Variants in SMCHD1 observed in about 807,000 individuals in gnomAD.
SMCHD1 encodes structural maintenance of chromosomes flexible hinge domain containing 1.
SMCHD1 carries 78 observed loss-of-function variants against 254.7 expected under a neutral mutation model. The ratio of observed to expected loss-of-function variants is 0.31; its 90% CI spans 0.26 to 0.37. The LOEUF (loss-of-function observed/expected upper bound fraction) is 0.37, where lower values mean the gene tolerates loss of function less well. SMCHD1 is among the 10% of genes least tolerant of loss of function. The probability of loss-of-function intolerance (pLI) is 1.00; values close to 1 mark genes in which losing one functional copy is unlikely to be tolerated. For synonymous variants in SMCHD1, 766 were observed against 794.9 expected (o/e 0.96, Z 0.61); for missense variants, 1,840 against 2,408.1 (o/e 0.76, Z 4.94).
chr18:2,663,553 T>C (rs1231278010), intron 1 of SMCHD1, among the ~76,000 whole-genome samples: 1 of 152,240 alleles, frequency 6.6e-6, no homozygotes, highest in Admixed American at 6.5e-5. Context: ...GTGGATTTTA[T>C]CTGTTTCCAT....
Position 2,803,325 on chromosome 18 carries a change from T to G in SMCHD1, c.*773T>G, listed in dbSNP as rs1197000895. The G allele has an allele frequency of 6.6e-6, 1 of 151,208 alleles. No individual in the cohort carries two copies. Among genetic ancestry groups the G allele is most frequent in the East Asian group, 1.9e-4 (1 of 5,188 alleles). The allele number at this position is 151,208 out of a possible 1,614,324, so 9.4% of individuals were successfully genotyped here. The stretch of plus-strand genomic sequence containing the variant: ...TCTCAGCCTTAATTTTACATTTACA[T>G]TATTTTGTAATTTTTTATTACTATT... On this transcript the variant is annotated 3_prime_UTR_variant, in exon 48 of 48. Coordinates refer to ENST00000320876, the MANE Select transcript of SMCHD1 (RefSeq NM_015295.3).
chr18:2,715,810 C>T (rs1214583426), intron 17 of SMCHD1, among the ~76,000 whole-genome samples: 1 of 151,976 alleles, frequency 6.6e-6, no homozygotes, highest in African/African-American at 2.4e-5. Flanking sequence ...ATGATTGTGC[C>T]GCTGAAATTC....
intron 3 of SMCHD1, among the ~76,000 whole-genome samples, chr18:2,671,347 C>T (rs1274067577): frequency 6.6e-6 from 1 of 152,096 alleles, no homozygotes; most frequent in Non-Finnish European, 1.5e-5. Context: ...GATCAGTTTT[C>T]ATCATGCCAT....
intron 47 of SMCHD1, among the ~76,000 whole-genome samples, chr18:2,797,477 C>G: frequency 6.6e-6 from 1 of 152,150 alleles, no homozygotes; most frequent in East Asian, 1.9e-4. Flanking sequence ...GTATTCTTTG[C>G]CATATTCATC....
At chr18:2,702,418 T>C (rs1227655051) in intron 12 of SMCHD1, 1 of 152,236 alleles carries the variant, frequency 6.6e-6, no homozygotes, top group Non-Finnish European at 1.5e-5. Flanking sequence ...TGAATTGTAC[T>C]TTGACTGTTA....
intron 21 of SMCHD1, 53 bp from the exon 22 acceptor site, chr18:2,726,399 A>G: frequency 1.1e-6 from 1 of 924,390 alleles, no homozygotes; most frequent in Non-Finnish European, 1.6e-6. Flanking sequence ...GTGATAAACT[A>G]CTTAAGTATG....
At chr18:2,700,075 CTT>C (rs545027749) in intron 10 of SMCHD1, among the ~76,000 whole-genome samples, 136 of 152,294 alleles carry the variant, frequency 8.9e-4, no homozygotes, top group Non-Finnish European at 1.7e-3. Flanking sequence ...AAAAAGTAAA[CTT>C]AATTTTAGCA....
chr18:2,802,243 C>A (rs997425448), intron 47 of SMCHD1, among the ~76,000 whole-genome samples: 1 of 151,992 alleles, frequency 6.6e-6, no homozygotes, highest in Non-Finnish European at 1.5e-5. Flanking sequence ...GAAAAATCTG[C>A]AGAATTTAGG....
chr18:2,676,858 A>C (rs981077192), intron 5 of SMCHD1, among the ~76,000 whole-genome samples: 1 of 152,240 alleles, frequency 6.6e-6, no homozygotes, highest in Non-Finnish European at 1.5e-5. Flanking sequence ...ATACTGTAGC[A>C]TGTGTATTCT....
At position 2,772,324 on chromosome 18, in the gene SMCHD1, G is replaced by T. The variant is rs371834462; in HGVS notation, c.5127G>T (p.Ser1709=). The T allele has an allele frequency of 5.0e-6, 8 of 1,606,642 alleles. No homozygotes were observed. Among genetic ancestry groups the T allele is most frequent in the Non-Finnish European group, 6.8e-6 (8 of 1,177,094 alleles). Residue 1709 remains serine, a synonymous_variant, in exon 41 of 48, where the codon TCG becomes TCT. Coordinates refer to ENST00000320876, the MANE Select transcript of SMCHD1 (RefSeq NM_015295.3). The part of the protein sequence containing the change: ...QEELKKKPRR[S]CTLPNYTKGS... ...AACTGAAGAAAAAACCTAGAAGATC[G>T]TGTACTCTTCCAAACTATACTAAAG...
intron 34 of SMCHD1, among the ~76,000 whole-genome samples, chr18:2,754,880 A>C (rs1386998567): frequency 6.6e-6 from 1 of 151,858 alleles, no homozygotes; most frequent in African/African-American, 2.4e-5. Flanking sequence ...TCACACCTAT[A>C]ATCCCAGCAC....
intron 35 of SMCHD1, among the ~76,000 whole-genome samples, chr18:2,761,333 C>T (rs953824653): frequency 3.9e-5 from 6 of 152,044 alleles, no homozygotes; most frequent in South Asian, 2.1e-4. Context: ...ACTTGGGTGA[C>T]GGGATCATTA....
intron 34 of SMCHD1, among the ~76,000 whole-genome samples, chr18:2,755,672 A>G (rs1159775154): frequency 7.0e-6 from 1 of 142,482 alleles, no homozygotes; most frequent in Non-Finnish European, 1.5e-5. Context: ...GGTTCATGCC[A>G]TTCTCCTGCC....
intron 3 of SMCHD1, among the ~76,000 whole-genome samples, chr18:2,671,025 C>G (rs1750176998): frequency 1.3e-5 from 2 of 150,864 alleles, no homozygotes; most frequent in African/African-American, 4.9e-5. Context: ...CAACCTCCGC[C>G]TCCTGGGTTC....
At chr18:2,777,990 T>G in intron 43 of SMCHD1, 75 bp downstream of exon 43, 1 of 1,084,454 alleles carries the variant, frequency 9.2e-7, no homozygotes, top group South Asian at 1.6e-5. Context: ...TTACTGATAA[T>G]GAAAATTTAT....
At chr18:2,702,662 A>G (rs1278501227) in intron 12 of SMCHD1, among the ~76,000 whole-genome samples, 1 of 152,230 alleles carries the variant, frequency 6.6e-6, no homozygotes, top group South Asian at 2.1e-4. Context: ...ACTGTATACC[A>G]TATTGGACCT....
chr18:2,677,721 G>C (rs1394648643), intron 5 of SMCHD1, among the ~76,000 whole-genome samples: 1 of 152,052 alleles, frequency 6.6e-6, no homozygotes. Context: ...CTGCCTCTTG[G>C]GCTCAAGTGA....
intron 16 of SMCHD1, 61 bp downstream of exon 16, chr18:2,707,706 A>G (rs1326749625): frequency 2.7e-6 from 4 of 1,475,990 alleles, no homozygotes; most frequent in Non-Finnish European, 3.7e-6. Context: ...TACATTTCCA[A>G]TATGTAAAAG....
chr18:2,663,500 C>T lies in SMCHD1; in HGVS notation c.187-2657C>T, dbSNP rs1334369272. Among the ~76,000 whole-genome samples, 5 of 152,276 alleles carry T rather than the reference C, an allele frequency of 3.3e-5. No individual in the cohort carries two copies. In the East Asian group the frequency reaches 7.7e-4, roughly 23 times the overall value. ...TTTACAATTTTGGGCTAATGTACAA[C>T]TGCTTTAATTCTCCTGGAATTTATT... is the stretch of plus-strand genomic sequence containing the variant. On this transcript the variant is annotated intron_variant, in intron 1 of 47. Transcript: ENST00000320876.
Sources: allele counts gnomAD v4.1 joint callset (sites outside exome capture counted in the v4.1 genomes callset), GRCh38; gene constraint gnomAD v4.1.1; transcripts MANE v1.5; gene names NCBI Gene and HGNC (gene_info 2026-07-23, HGNC 2026-07-21).